Variants in PCDH11X observed in about 807,000 individuals in gnomAD.
The protein encoded by PCDH11X is protocadherin 11 X-linked.
Under a neutral mutation model 53.3 loss-of-function variants are expected in PCDH11X, and 18 were observed. That is an observed-to-expected ratio of 0.34 (90% CI 0.23 to 0.50). PCDH11X has a LOEUF of 0.50. Among genes scored for constraint, PCDH11X ranks in the 20% least tolerant of loss-of-function variants. The probability of loss-of-function intolerance (pLI) is 0.98; values close to 1 mark genes in which losing one functional copy is unlikely to be tolerated. For missense variants in PCDH11X, 570 were observed against 1,032.4 expected, an observed-to-expected ratio of 0.55 and a Z score of 6.14; for synonymous variants, 279 against 393.3, an observed-to-expected ratio of 0.71 and a Z score of 3.44.
intron 4 of PCDH11X, among the ~76,000 whole-genome samples, chrX:91,824,010 T>G (rs1304603674): frequency 9.0e-6 from 1 of 111,173 alleles, no homozygotes; most frequent in Non-Finnish European, 1.9e-5. Flanking sequence ...GCCCCCACTC[T>G]CTTCTGGCTT....
intron 7 of PCDH11X, among the ~76,000 whole-genome samples, chrX:92,225,331 CAAA>C (rs35632625): frequency 1.4e-5 from 1 of 69,419 alleles, no homozygotes. Flanking sequence ...CACAATAATT[CAAA>C]AAAAAAAAAA....
At chrX:91,930,073 AG>A (rs1051406830) in intron 6 of PCDH11X, among the ~76,000 whole-genome samples, 15 of 109,704 alleles carry the variant, frequency 1.4e-4, no homozygotes, top group African/African-American at 4.9e-4. Context: ...GAATAAATTC[AG>A]GAACAGAAAG....
At chrX:92,203,791 C>A (rs2066430983) in intron 7 of PCDH11X, among the ~76,000 whole-genome samples, 3 of 111,932 alleles carry the variant, frequency 2.7e-5, no homozygotes, top group Non-Finnish European at 5.6e-5. Flanking sequence ...TCTTCTTTTG[C>A]TGAGTCACTT....
chrX:92,306,725 A>G lies in PCDH11X; in HGVS notation c.3144+43582A>G, dbSNP rs553502704. Reference sequence around the variant, plus strand: ...GGGAGGCCAAGGTGGGCAGATCACAAGGTCAGGAGTTCAAGACCAGCCTGG... The same window carrying G: ...GGGAGGCCAAGGTGGGCAGATCACAGGGTCAGGAGTTCAAGACCAGCCTGG... On this transcript the variant is annotated intron_variant, in intron 8 of 10. Transcript: ENST00000682573. Among the ~76,000 whole-genome samples, 5 of 110,875 alleles carry G rather than the reference A, an allele frequency of 4.5e-5. No individual in the cohort carries two copies. In the South Asian group the frequency reaches 1.9e-3, roughly 42 times the overall value.
chrX:92,528,185 G>C (rs1033185638), intron 10 of PCDH11X, among the ~76,000 whole-genome samples: 1 of 112,554 alleles, frequency 8.9e-6, no homozygotes, highest in African/African-American at 3.2e-5. Flanking sequence ...AAATTAAAGA[G>C]AAGATTTAGT....
At chrX:92,254,140 T>C (rs1163035065) in intron 7 of PCDH11X, among the ~76,000 whole-genome samples, 6 of 112,440 alleles carry the variant, frequency 5.3e-5, no homozygotes, top group Admixed American at 2.8e-4. Context: ...TGCAATGATG[T>C]TGAATTTTAT....
At chrX:92,098,549 A>C (rs1015620888) in intron 6 of PCDH11X, among the ~76,000 whole-genome samples, 1 of 110,785 alleles carries the variant, frequency 9.0e-6, no homozygotes, top group African/African-American at 3.3e-5. Context: ...TCCATGGTTA[A>C]AGCACAGGCA....
chrX:92,069,956 G>A lies in PCDH11X; in HGVS notation c.3034-131419G>A, dbSNP rs112368625. 1.6e-3 allele frequency among the ~76,000 whole-genome samples: 173 copies of A among 110,828 alleles called. 2 individuals are homozygous for A. Among genetic ancestry groups the A allele is most frequent in the African/African-American group, 5.3e-3 (161 of 30,465 alleles). ...CTCGGCCTCCCAAAGCGCTAGCCAG[G>A]ATTACAGTCTTGAGCCACAGCAACC... On this transcript the variant is annotated intron_variant, in intron 6 of 10. Transcript: ENST00000682573.
intron 7 of PCDH11X, among the ~76,000 whole-genome samples, chrX:92,237,298 T>C (rs932269444): frequency 2.3e-4 from 26 of 111,257 alleles, no homozygotes; most frequent in African/African-American, 8.1e-4. Flanking sequence ...ATTTTGTCAG[T>C]ATAGCAGGCT....
intron 9 of PCDH11X, among the ~76,000 whole-genome samples, chrX:92,431,513 G>C (rs1316845156): frequency 1.8e-5 from 2 of 110,565 alleles, no homozygotes; most frequent in Non-Finnish European, 3.8e-5. Context: ...AGTAATCAAA[G>C]CATTTGAAAA....
chrX:91,824,513 T>C (rs912805430), intron 4 of PCDH11X, among the ~76,000 whole-genome samples: 6 of 110,864 alleles, frequency 5.4e-5, no homozygotes, highest in African/African-American at 2.0e-4. Context: ...TGAGCCTTGG[T>C]TTTCAGCTCC....
intron 9 of PCDH11X, among the ~76,000 whole-genome samples, chrX:92,422,814 C>G (rs1179866705): frequency 2.7e-5 from 3 of 109,930 alleles, no homozygotes; most frequent in African/African-American, 9.8e-5. Flanking sequence ...TCCACGCCAA[C>G]GTCTATTTTT....
At chrX:92,218,881 G>C (rs1250063045) in intron 7 of PCDH11X, among the ~76,000 whole-genome samples, 1 of 111,206 alleles carries the variant, frequency 9.0e-6, no homozygotes, top group African/African-American at 3.3e-5. Context: ...GGGATGCAAG[G>C]CTGGTTCAAT....
chrX:92,485,483 A>G (rs1375504366), intron 10 of PCDH11X, among the ~76,000 whole-genome samples: 1 of 111,537 alleles, frequency 9.0e-6, no homozygotes, highest in Admixed American at 9.6e-5. Context: ...CATGCAATCT[A>G]TCTGATTCGA....
At chrX:91,954,938 G>A (rs2061690453) in intron 6 of PCDH11X, among the ~76,000 whole-genome samples, 1 of 108,272 alleles carries the variant, frequency 9.2e-6, no homozygotes, top group Non-Finnish European at 1.9e-5. Flanking sequence ...CTTTTGCTGT[G>A]CAGAAGCTCT....
intron 6 of PCDH11X, among the ~76,000 whole-genome samples, chrX:92,183,016 T>C (rs2066023335): frequency 9.0e-6 from 1 of 111,313 alleles, no homozygotes. Flanking sequence ...CTGAAAAGAC[T>C]GTGACATTAT....
intron 6 of PCDH11X, among the ~76,000 whole-genome samples, chrX:92,047,868 A>T (rs1459420218): frequency 3.2e-4 from 35 of 110,421 alleles, no homozygotes; most frequent in Non-Finnish European, 5.5e-4. Flanking sequence ...TCAAAATCAA[A>T]GTAGCTATAT....
chrX:91,977,597 T>G (rs1020461051), intron 6 of PCDH11X, among the ~76,000 whole-genome samples: 5 of 110,755 alleles, frequency 4.5e-5, no homozygotes, highest in African/African-American at 1.6e-4. Flanking sequence ...TCCTAGTGAT[T>G]CAGAAGTAGC....
intron 7 of PCDH11X, among the ~76,000 whole-genome samples, chrX:92,202,066 G>T (rs1041204050): frequency 4.5e-5 from 5 of 111,346 alleles, no homozygotes; most frequent in Non-Finnish European, 9.4e-5. Flanking sequence ...GGCCAAGTGG[G>T]CAATTTGAGA....
Sources: allele counts gnomAD v4.1 joint callset (sites outside exome capture counted in the v4.1 genomes callset), GRCh38; gene constraint gnomAD v4.1.1; transcripts MANE v1.5; gene names NCBI Gene and HGNC (gene_info 2026-07-23, HGNC 2026-07-21).